The following FAM131C variants were observed in gnomAD, a reference collection of about 807,000 sequenced individuals.
The protein encoded by FAM131C is family with sequence similarity 131 member C.
FAM131C carries 14 observed loss-of-function variants against 29.8 expected under a neutral mutation model. The observed-to-expected ratio is 0.47, with a 90% CI of 0.31 to 0.73. The LOEUF (loss-of-function observed/expected upper bound fraction) is 0.73, where lower values mean the gene tolerates loss of function less well. Ranked by LOEUF, FAM131C falls within the 30% of genes least tolerant of loss-of-function variation. FAM131C has a pLI of 0.05. For synonymous variants in FAM131C, 86 were observed against 157.8 expected (o/e 0.54, Z 3.41); for missense variants, 252 against 383.8 (o/e 0.66, Z 2.87).
At chr1:16,063,239 G>A (rs541173910) in intron 2 of FAM131C, among the ~76,000 whole-genome samples, 5 of 151,412 alleles carry the variant, frequency 3.3e-5, no homozygotes, top group Admixed American at 2.6e-4. Flanking sequence ...CAGGAGTAGC[G>A]GGCTGGTAGC....
At chr1:16,062,288 G>T in intron 3 of FAM131C, 96 bp from the exon 4 acceptor site, 1 of 1,365,330 alleles carries the variant, frequency 7.3e-7, no homozygotes, top group South Asian at 1.4e-5. Flanking sequence ...CAGCTCACCA[G>T]GTCCTCTGGC....
At chr1:16,072,550 T>C (rs2023763558) in intron 1 of FAM131C, among the ~76,000 whole-genome samples, 1 of 152,072 alleles carries the variant, frequency 6.6e-6, no homozygotes, top group Admixed American at 6.6e-5. Context: ...GGAGAAGGGC[T>C]CAGCCCAATC....
chr1:16,071,628 G>C (rs552901102), intron 1 of FAM131C, among the ~76,000 whole-genome samples: 1 of 152,198 alleles, frequency 6.6e-6, no homozygotes, highest in Admixed American at 6.5e-5. Flanking sequence ...CTCTCAGGAG[G>C]GGGACAAGGC....
chr1:16,068,652 G>A (rs10927902), intron 1 of FAM131C, among the ~76,000 whole-genome samples: 38,462 of 152,124 alleles, frequency 0.25, 5,854 homozygotes, highest in African/African-American at 0.41. Context: ...CACCTGAGCC[G>A]TGACAATAGC....
intron 3 of FAM131C, 67 bp from the exon 4 acceptor site, chr1:16,062,259 A>G (rs2023608536): frequency 1.9e-6 from 3 of 1,545,628 alleles, no homozygotes; most frequent in Non-Finnish European, 1.7e-6. Context: ...CTCCAGCACC[A>G]CCACCCATCC....
At chr1:16,071,243 C>T (rs745703648) in intron 1 of FAM131C, among the ~76,000 whole-genome samples, 45 of 152,250 alleles carry the variant, frequency 3.0e-4, no homozygotes, top group Middle Eastern at 3.4e-3. Context: ...GCACCAGGGC[C>T]GAGGGCTGGC....
intron 1 of FAM131C, among the ~76,000 whole-genome samples, chr1:16,065,697 T>C (rs959119094): frequency 6.6e-6 from 1 of 152,042 alleles, no homozygotes; most frequent in Non-Finnish European, 1.5e-5. Flanking sequence ...TCACTTACCC[T>C]CCGGAGTACC....
chr1:16,072,514 C>T (rs1451679071), intron 1 of FAM131C, among the ~76,000 whole-genome samples: 1 of 152,160 alleles, frequency 6.6e-6, no homozygotes, highest in African/African-American at 2.4e-5. Context: ...CCCCTGATCC[C>T]ACTGTGGGGT....
At position 16,073,496 on chromosome 1, in the gene FAM131C, G is replaced by A. The variant is rs1413133406; in HGVS notation, c.-54C>T. Reference sequence around the variant, plus strand: ...CCCGGGGTGCGTGGGGCCGCGGGGCGTTCATGTCTCCGCGGGCCCGGGGCT... The same window carrying A: ...CCCGGGGTGCGTGGGGCCGCGGGGCATTCATGTCTCCGCGGGCCCGGGGCT... On this transcript the variant is annotated 5_prime_UTR_variant, in exon 1 of 7. In the 5' UTR this introduces an upstream ATG that the reference lacks. Transcript: ENST00000375662. The A allele has an allele frequency of 3.1e-5, 35 of 1,121,522 alleles. No individual in the cohort carries two copies. The highest frequency in any genetic ancestry group is 3.8e-5 in the Non-Finnish European group (34 of 899,158). 69.5% of individuals were successfully genotyped at this position (1,121,522 alleles called of 1,614,324 possible).
At chr1:16,062,331 GAGATCCT>G in intron 3 of FAM131C, 139 bp from the exon 4 acceptor site, 2 of 1,458,518 alleles carry the variant, frequency 1.4e-6, no homozygotes, top group Non-Finnish European at 1.8e-6. Flanking sequence ...TAAAGCCAGG[GAGATCCT>G]ACTAACTCCC....
rs972623938 is a variant in FAM131C, at chr1:16,072,246, C to T, written c.22+1175G>A. On this transcript the variant is annotated intron_variant, in intron 1 of 6. Coordinates refer to ENST00000375662, the MANE Select transcript of FAM131C (RefSeq NM_182623.3). ...ACCCTGTACCTTCCCCTTCCCCAGC[C>T]GGGATTCCACCCCGATACCTCCCAG... 6.6e-5 allele frequency among the ~76,000 whole-genome samples: 10 copies of T among 152,188 alleles called. No individual in the cohort carries two copies. In the South Asian group the frequency reaches 1.4e-3, roughly 22 times the overall value.
chr1:16,070,411 C>T (rs908121240), intron 1 of FAM131C, among the ~76,000 whole-genome samples: 1 of 152,224 alleles, frequency 6.6e-6, no homozygotes, highest in East Asian at 1.9e-4. Context: ...CGCTGCCTTT[C>T]CCATGAGGCA....
chr1:16,073,485 G>A lies in FAM131C; in HGVS notation c.-43C>T. The stretch of plus-strand genomic sequence containing the variant: ...GGGCCGCTGCGCCCGGGGTGCGTGG[G>A]GCCGCGGGGCGTTCATGTCTCCGCG... On this transcript the variant is annotated 5_prime_UTR_variant, in exon 1 of 7. Transcript: ENST00000375662. 8.6e-7 allele frequency: 1 copy of A among 1,169,258 alleles called. No homozygotes were observed. The highest frequency in any genetic ancestry group is 1.1e-6 in the Non-Finnish European group (1 of 941,280). The allele number at this position is 1,169,258 out of a possible 1,614,324, so 72.4% of individuals were successfully genotyped here.
chr1:16,062,408 C>A, intron 3 of FAM131C, 91 bp downstream of exon 3: 1 of 1,307,064 alleles, frequency 7.7e-7, no homozygotes, highest in Admixed American at 2.4e-5. Flanking sequence ...CCAGGGCCAG[C>A]AGGACTGTGT....
rs1213067697 is a variant in FAM131C, at chr1:16,073,376, G to T, written c.22+45C>A. The T allele has an allele frequency of 6.1e-5, 68 of 1,117,690 alleles. No homozygotes were observed. In the African/African-American group the frequency reaches 1.1e-3, roughly 18 times the overall value. 69.2% of individuals were successfully genotyped at this position (1,117,690 alleles called of 1,614,324 possible). ...CTCCGAGCGGCGAGGGGACTGCGCG[G>T]GTCCCCGGCACCCGATCCCCCCGCC... On this transcript the variant is annotated intron_variant, in intron 1 of 6. Transcript: ENST00000375662.
rs2023779882 is a variant in FAM131C at position 16,073,464 on chromosome 1, C to T, written c.-22G>A. ...CCATCACGGGGCCGCGGGGCCGGGCCGCTGCGCCCGGGGTGCGTGGGGCCG... is the reference window on the plus strand; with the variant it reads ...CCATCACGGGGCCGCGGGGCCGGGCTGCTGCGCCCGGGGTGCGTGGGGCCG... On this transcript the variant is annotated 5_prime_UTR_variant, in exon 1 of 7. Coordinates refer to ENST00000375662, the MANE Select transcript of FAM131C (RefSeq NM_182623.3). 1.7e-6 allele frequency: 2 copies of T among 1,200,384 alleles called. No homozygotes were observed. Among genetic ancestry groups the T allele is most frequent in the Admixed American group, 4.4e-5 (1 of 22,602 alleles). 74.4% of individuals were successfully genotyped at this position (1,200,384 alleles called of 1,614,324 possible).
At chr1:16,069,595 T>C (rs942390875) in intron 1 of FAM131C, among the ~76,000 whole-genome samples, 2 of 152,144 alleles carry the variant, frequency 1.3e-5, no homozygotes, top group African/African-American at 4.8e-5. Context: ...GGCAGAGTGG[T>C]TATGGCACCA....
chr1:16,073,493 G>C lies in FAM131C; in HGVS notation c.-51C>G. ...GCGCCCGGGGTGCGTGGGGCCGCGG[G>C]GCGTTCATGTCTCCGCGGGCCCGGG... On this transcript the variant is annotated 5_prime_UTR_variant, in exon 1 of 7. Transcript: ENST00000375662. 8.8e-7 allele frequency: 1 copy of C among 1,138,334 alleles called. No homozygotes were observed. Among genetic ancestry groups the C allele is most frequent in the Non-Finnish European group, 1.1e-6 (1 of 913,924 alleles). The allele number at this position is 1,138,334 out of a possible 1,614,324, so 70.5% of individuals were successfully genotyped here.
chr1:16,058,841 G>A, intron 6 of FAM131C, 124 bp from the exon 7 acceptor site: 4 of 1,178,772 alleles, frequency 3.4e-6, no homozygotes, highest in Non-Finnish European at 4.7e-6. Flanking sequence ...TGACGGCCGA[G>A]CCTTGTGACC....
Sources: gnomAD v4.1 joint callset for allele counts (sites outside exome capture counted in the v4.1 genomes callset) on GRCh38, gnomAD v4.1.1 for gene constraint, MANE v1.5 for transcripts, NCBI Gene and HGNC (gene_info 2026-07-23, HGNC 2026-07-21) for gene names.